STAT5B: variants seen among roughly 807,000 people sequenced by gnomAD.
STAT5B encodes signal transducer and activator of transcription 5B.
In STAT5B, 21 loss-of-function variants were observed where a neutral mutation model predicts 107.8. The ratio of observed to expected loss-of-function variants is 0.19; its 90% CI spans 0.14 to 0.28. The LOEUF (loss-of-function observed/expected upper bound fraction) is 0.28, where lower values mean the gene tolerates loss of function less well. Ranked by LOEUF, STAT5B falls within the 10% of genes least tolerant of loss-of-function variation. The probability of loss-of-function intolerance (pLI) is 1.00; values close to 1 mark genes in which losing one functional copy is unlikely to be tolerated. For missense variants in STAT5B, 565 were observed against 1,008.2 expected (o/e 0.56, Z 5.95); for synonymous variants, 325 against 401.7 (o/e 0.81, Z 2.28).
At position 42,214,875 on chromosome 17, in the gene STAT5B, C is replaced by G. The variant is rs150788749; in HGVS notation, c.1473+1139G>C. On this transcript the variant is annotated intron_variant, in intron 12 of 18. Transcript: ENST00000293328. ...GGCGATCCTCCCGCCTCAGCCCCCC[C>G]CAAGTAGCTGGGACTAGAGGCTGGT... 8.3e-3 allele frequency among the ~76,000 whole-genome samples: 1,270 copies of G among 152,256 alleles called. 15 individuals carry two copies. Among genetic ancestry groups the G allele is most frequent in the African/African-American group, 0.028 (1,183 of 41,548 alleles).
At chr17:42,217,936 C>T (rs1010555486) in intron 9 of STAT5B, 47 of 718,672 alleles carry the variant, frequency 6.5e-5, no homozygotes, top group Non-Finnish European at 1.6e-5. Flanking sequence ...GAACTCCTGA[C>T]CTCAGGTGAT....
chr17:42,280,186 C>T (rs1295848695), upstream of STAT5B, among the ~76,000 whole-genome samples: 1 of 152,090 alleles, frequency 6.6e-6, no homozygotes, highest in Non-Finnish European at 1.5e-5. Context: ...CAAGAAGGTA[C>T]CTGGAGATGC....
At chr17:42,288,270 G>A in the STAT5B span, 1 of 152,234 alleles carries the variant, frequency 6.6e-6, no homozygotes, top group East Asian at 1.9e-4. This position sits in a 1 kb window ranked among gnomAD's most constrained non-coding sequence, Gnocchi z 4.8. Flanking sequence ...AGGGCCTGCT[G>A]GGACTCCCGG....
intron 18 of STAT5B, 175 bp from the exon 19 acceptor site, chr17:42,202,039 C>G: frequency 1.5e-6 from 1 of 666,030 alleles, no homozygotes; most frequent in South Asian, 1.8e-5. Flanking sequence ...GACTGAAATA[C>G]CCTCCCCTGT....
upstream of STAT5B, among the ~76,000 whole-genome samples, chr17:42,277,197 C>G (rs891201628): frequency 1.3e-4 from 20 of 152,192 alleles, no homozygotes; most frequent in Non-Finnish European, 2.1e-4. Flanking sequence ...GGCTGAGTCA[C>G]CCACTCTCCT....
At chr17:42,259,086 A>G (rs1212140071) in intron 1 of STAT5B, among the ~76,000 whole-genome samples, 1 of 152,226 alleles carries the variant, frequency 6.6e-6, no homozygotes, top group Non-Finnish European at 1.5e-5. Context: ...CTCTGAAACA[A>G]AACAAAAATA....
intron 1 of STAT5B, among the ~76,000 whole-genome samples, chr17:42,251,487 CA>C (rs2080499232): frequency 6.6e-6 from 1 of 152,068 alleles, no homozygotes; most frequent in Admixed American, 6.6e-5. Flanking sequence ...ATTTTACATA[CA>C]GGGGGAAATG....
At chr17:42,223,312 C>A in intron 5 of STAT5B, 70 bp downstream of exon 5, 12 of 1,610,470 alleles carry the variant, frequency 7.5e-6, no homozygotes, top group Non-Finnish European at 1.0e-5. Context: ...TCTCCCAACC[C>A]CACCAGAGCT....
intron 12 of STAT5B, among the ~76,000 whole-genome samples, chr17:42,215,729 G>A (rs886919032): frequency 7.2e-5 from 11 of 151,886 alleles, no homozygotes; most frequent in Non-Finnish European, 1.3e-4. Flanking sequence ...AGTGATTGTC[G>A]TGCCTCAGCC....
intron 1 of STAT5B, chr17:42,235,457 A>T (rs1459885578): frequency 6.6e-6 from 1 of 152,144 alleles, no homozygotes; most frequent in Non-Finnish European, 1.5e-5. Flanking sequence ...TGAAAATGGA[A>T]CAGATTTCCA....
the STAT5B span, among the ~76,000 whole-genome samples, chr17:42,285,445 T>C: frequency 6.6e-6 from 1 of 152,194 alleles, no homozygotes; most frequent in South Asian, 2.1e-4. Context: ...CCCCATCTAA[T>C]ACTGTGACTT....
rs1426650707 is a variant in STAT5B at position 42,243,180 on chromosome 17, A to T, written c.-10-11043T>A. 1.5e-4 allele frequency among the ~76,000 whole-genome samples: 14 copies of T among 91,440 alleles called. 1 individual carries two copies. Among genetic ancestry groups the T allele is most frequent in the South Asian group, 9.7e-4 (3 of 3,080 alleles). 60.0% of individuals were successfully genotyped at this position (91,440 alleles called of 152,430 possible). A position where few individuals can be genotyped will look rare whatever the true frequency, so the allele number is the denominator to read the frequency against. On this transcript the variant is annotated intron_variant, in intron 1 of 18. Transcript: ENST00000293328. ...AAAATATATGTGTTTATACTTAAAA[A>T]AAATAAATAAAAAAAAAATATAAAA...
chr17:42,227,701 T>G lies in STAT5B; in HGVS notation c.129-16A>C. ...TACTGAGTCCCTAGGGGAAAAAAAT[T>G]ACATAATCTGTATACATACATGCAC... On this transcript the variant is annotated splice_polypyrimidine_tract_variant and intron_variant, in intron 2 of 18. Transcript: ENST00000293328. 6.2e-7 allele frequency: 1 copy of G among 1,613,766 alleles called. No individual in the cohort carries two copies. Among genetic ancestry groups the G allele is most frequent in the Non-Finnish European group, 8.5e-7 (1 of 1,179,876 alleles).
chr17:42,220,558 G>C (rs1216350192), intron 5 of STAT5B, among the ~76,000 whole-genome samples: 1 of 152,072 alleles, frequency 6.6e-6, no homozygotes, highest in African/African-American at 2.4e-5. Flanking sequence ...GGCTGGAAGG[G>C]GCCCAGCATG....
intron 1 of STAT5B, among the ~76,000 whole-genome samples, chr17:42,249,846 G>GA (rs543872027): frequency 5.5e-4 from 84 of 152,098 alleles, no homozygotes; most frequent in African/African-American, 2.0e-3. Context: ...ATTTTTAGTA[G>GA]AAACGGGGCT....
chr17:42,222,551 T>A (rs1259322119), intron 5 of STAT5B, among the ~76,000 whole-genome samples: 1 of 152,160 alleles, frequency 6.6e-6, no homozygotes, highest in Admixed American at 6.6e-5. Flanking sequence ...AGGTTTCTTT[T>A]CCCCCTTAGA....
chr17:42,206,532 A>C (rs1280311111), intron 16 of STAT5B, among the ~76,000 whole-genome samples: 1 of 152,214 alleles, frequency 6.6e-6, no homozygotes, highest in Non-Finnish European at 1.5e-5. Flanking sequence ...ATAGAGGTTA[A>C]TCTCTAGATG....
chr17:42,222,680 A>T (rs935049829), intron 5 of STAT5B, among the ~76,000 whole-genome samples: 8 of 139,062 alleles, frequency 5.8e-5, no homozygotes, highest in Non-Finnish European at 9.5e-5. Context: ...CCAGCTTAGA[A>T]TTTTTTTTTT....
intron 5 of STAT5B, among the ~76,000 whole-genome samples, chr17:42,222,035 GGT>G: frequency 7.0e-6 from 1 of 142,866 alleles, no homozygotes; most frequent in East Asian, 2.1e-4. Flanking sequence ...TGTGTGGTGT[GGT>G]GTGTGTGTGC....
Sources: gnomAD v4.1 joint callset for allele counts (sites outside exome capture counted in the v4.1 genomes callset) on GRCh38, gnomAD v4.1.1 for gene constraint, Gnocchi (gnomAD v3.1) non-coding constraint, MANE v1.5 for transcripts, NCBI Gene and HGNC (gene_info 2026-07-23, HGNC 2026-07-21) for gene names.